The following CACNG4 variants were observed in gnomAD, a reference collection of about 807,000 sequenced individuals.
The protein encoded by CACNG4 is voltage-dependent calcium channel gamma-4 subunit.
Under a neutral mutation model 22.9 loss-of-function variants are expected in CACNG4, and 8 were observed. The observed-to-expected ratio is 0.35, with a 90% CI of 0.21 to 0.63. The LOEUF (loss-of-function observed/expected upper bound fraction) is 0.63, where lower values mean the gene tolerates loss of function less well. Among genes scored for constraint, CACNG4 ranks in the 30% least tolerant of loss-of-function variants. CACNG4 has a pLI of 0.72. For missense variants in CACNG4, 357 were observed against 455.4 expected, an observed-to-expected ratio of 0.78 and a Z score of 1.97; for synonymous variants, 188 against 191.9, an observed-to-expected ratio of 0.98 and a Z score of 0.17.
At chr17:66,969,947 G>A (rs1455004724) in intron 1 of CACNG4, among the ~76,000 whole-genome samples, 2 of 152,160 alleles carry the variant, frequency 1.3e-5, no homozygotes, top group Non-Finnish European at 2.9e-5. Flanking sequence ...AGGCCCAGGT[G>A]AGTGACAGCG....
intron 1 of CACNG4, among the ~76,000 whole-genome samples, chr17:66,982,948 G>A (rs1360352187): frequency 6.6e-6 from 1 of 152,214 alleles, no homozygotes; most frequent in Non-Finnish European, 1.5e-5. Flanking sequence ...CCGCCAGCCT[G>A]TGAGGCAGGT....
chr17:67,018,036 C>G (rs1428999514), intron 1 of CACNG4, among the ~76,000 whole-genome samples, 153 bp from the exon 2 acceptor site: 1 of 152,172 alleles, frequency 6.6e-6, no homozygotes, highest in Non-Finnish European at 1.5e-5. Context: ...CTCCCGTGCC[C>G]CCACCAGACT....
chr17:66,990,821 C>T (rs2035335636), intron 1 of CACNG4, among the ~76,000 whole-genome samples: 1 of 152,024 alleles, frequency 6.6e-6, no homozygotes, highest in Admixed American at 6.6e-5. Context: ...GCTGGGACTA[C>T]AGGCGCCCGC....
At chr17:66,966,949 T>G (rs1356076246) in intron 1 of CACNG4, among the ~76,000 whole-genome samples, 1 of 152,224 alleles carries the variant, frequency 6.6e-6, no homozygotes. Flanking sequence ...GAGCAGGGGC[T>G]GCAATGCCCC....
rs35041834 is a variant in CACNG4, at chr17:66,989,060, CAAA to C, written c.220+23948_220+23950del. 3.5e-4 allele frequency among the ~76,000 whole-genome samples: 22 copies of C among 63,310 alleles called. No homozygotes were observed. In the South Asian group the frequency reaches 7.0e-3, roughly 20 times the overall value. The allele number at this position is 63,310 out of a possible 152,430, so 41.5% of individuals were successfully genotyped here. ...TGGGCAACAGAGCAAGACTCTGCCT[CAAA>C]AAAAAAAAAAAAAAAAAAGGCAAGA... On this transcript the variant is annotated intron_variant, in intron 1 of 3. Transcript: ENST00000262138.
At chr17:66,991,612 G>T (rs2035341018) in intron 1 of CACNG4, among the ~76,000 whole-genome samples, 1 of 152,184 alleles carries the variant, frequency 6.6e-6, no homozygotes, top group Admixed American at 6.5e-5. Flanking sequence ...ATACGGGCCT[G>T]CGAGGATGTG....
At position 67,030,466 on chromosome 17, in the gene CACNG4, G is replaced by C. The variant is rs1289644583; in HGVS notation, c.446G>C (p.Gly149Ala). The C allele has an allele frequency of 6.2e-7, 1 of 1,612,690 alleles. No individual in the cohort carries two copies. Among genetic ancestry groups the C allele is most frequent in the Non-Finnish European group, 8.5e-7 (1 of 1,178,940 alleles). ...TCCCCGCTCCCCGCTTCCCTTTCAGGCCTCAGTAACATCATCGGTATCATC... is the reference window on the plus strand; with the variant it reads ...TCCCCGCTCCCCGCTTCCCTTTCAGCCCTCAGTAACATCATCGGTATCATC... The part of the protein sequence containing the change: ...LSAGILFVAA[G>A]LSNIIGIIVY... Residue 149 changes from glycine to alanine, a missense_variant and splice_region_variant, in exon 4 of 4, where the codon GGC (glycine) becomes GCC (alanine). Physicochemically the swap from Gly to Ala is moderately conservative, Grantham distance 60. Coordinates refer to ENST00000262138, the MANE Select transcript of CACNG4 (RefSeq NM_014405.4). This position sits in a 1 kb window ranked among gnomAD's most constrained non-coding sequence, Gnocchi z 6.4.
intron 1 of CACNG4, among the ~76,000 whole-genome samples, chr17:67,011,262 T>C (rs568404903): frequency 1.4e-4 from 22 of 152,162 alleles, no homozygotes; most frequent in Non-Finnish European, 2.9e-4. Flanking sequence ...CCTCTTCTAG[T>C]GTTGCCTGGA....
intron 1 of CACNG4, among the ~76,000 whole-genome samples, chr17:66,985,494 T>C (rs142780232): frequency 7.0e-4 from 106 of 152,272 alleles, no homozygotes; most frequent in African/African-American, 2.5e-3. Flanking sequence ...GTGCACTCAA[T>C]TCCAGGGAGG....
chr17:67,016,751 C>T (rs577169266), intron 1 of CACNG4, among the ~76,000 whole-genome samples: 1 of 152,098 alleles, frequency 6.6e-6, no homozygotes, highest in African/African-American at 2.4e-5. Context: ...TAGGACGTGG[C>T]GGCAACACCC....
In CACNG4 at chr17:66,965,115, G is replaced by T; in HGVS notation, c.204G>T (p.Arg68=). The change falls in exon 1 of 4, where the codon CGG becomes CGT. Residue 68 remains arginine (R), a synonymous_variant. Coordinates refer to ENST00000262138, the MANE Select transcript of CACNG4 (RefSeq NM_014405.4). ...ACCTCACCCACTCTGGTCTGTGGCG[G>T]GTGTGCTGCATCGAAGGTACGGCCA... ...RGDLTHSGLW[R]VCCIEGIYKG... The T allele has an allele frequency of 6.3e-7, 1 of 1,583,358 alleles. No homozygotes were observed. Among genetic ancestry groups the T allele is most frequent in the South Asian group, 1.1e-5 (1 of 87,818 alleles).
At position 67,024,994 on chromosome 17, in the gene CACNG4, G is replaced by T; in HGVS notation, c.439G>T (p.Ala147Ser). 6.3e-7 allele frequency: 1 copy of T among 1,591,604 alleles called. No individual in the cohort carries two copies. The highest frequency in any genetic ancestry group is 8.5e-7 in the Non-Finnish European group (1 of 1,171,408). ...IVLSAGILFV[A>S]AGLSNIIGII... ...CCTCAGTGCCGGCATCCTCTTCGTG[G>T]CTGCAGGTGAGCCGCCCGCCCGGGC... The change falls in exon 3 of 4, where the codon GCT (alanine) becomes TCT (serine). Residue 147 changes from alanine (A) to serine (S), a missense_variant. Coordinates refer to ENST00000262138, the MANE Select transcript of CACNG4 (RefSeq NM_014405.4).
At chr17:66,992,167 G>C (rs201484649) in intron 1 of CACNG4, among the ~76,000 whole-genome samples, 100 of 152,032 alleles carry the variant, frequency 6.6e-4, no homozygotes, top group African/African-American at 1.6e-3. Context: ...TCCTGGGGGG[G>C]GGGGGCTGTG....
At chr17:66,990,038 A>G (rs1265521742) in intron 1 of CACNG4, among the ~76,000 whole-genome samples, 1 of 152,136 alleles carries the variant, frequency 6.6e-6, no homozygotes, top group Non-Finnish European at 1.5e-5. Context: ...AACAACACAG[A>G]TTTATTATCT....
chr17:67,024,730 C>T (rs1023809403), intron 2 of CACNG4, 130 bp from the exon 3 acceptor site: 7 of 1,071,016 alleles, frequency 6.5e-6, no homozygotes, highest in Non-Finnish European at 8.9e-6. Flanking sequence ...GTCTCCAGGT[C>T]CTGATGGGAA....
In CACNG4 at chr17:66,993,560, G is replaced by A. The variant is rs140281445; in HGVS notation, c.221-24629G>A. Among the ~76,000 whole-genome samples the A allele has an allele frequency of 9.5e-4, 145 of 152,278 alleles. 2 individuals carry two copies. The East Asian group carries it at 0.025, about 26-fold the overall frequency. On this transcript the variant is annotated intron_variant, in intron 1 of 3. Coordinates refer to ENST00000262138, the MANE Select transcript of CACNG4 (RefSeq NM_014405.4). ...CCACGCCTGTTCTTGCACACACAAGGGGGCTCACCCAGGGACAAAAGTGCT... is the reference window on the plus strand; with the variant it reads ...CCACGCCTGTTCTTGCACACACAAGAGGGCTCACCCAGGGACAAAAGTGCT...
Position 67,024,852 on chromosome 17 carries a change from C to T in CACNG4, c.305-8C>T, listed in dbSNP as rs764378655. The T allele has an allele frequency of 5.9e-6, 9 of 1,533,104 alleles. No homozygotes were observed. In the South Asian group the frequency reaches 1.0e-4, roughly 17 times the overall value. 95.0% of individuals were successfully genotyped at this position (1,533,104 alleles called of 1,614,324 possible). On this transcript the variant is annotated splice_polypyrimidine_tract_variant and splice_region_variant and intron_variant, in intron 2 of 3. Coordinates refer to ENST00000262138, the MANE Select transcript of CACNG4 (RefSeq NM_014405.4). The stretch of plus-strand genomic sequence containing the variant: ...CCTCTGCTTTGTGCCCCCCACCTCC[C>T]CGGCCAGGCATCGTGCGAGCCTCCA...
intron 1 of CACNG4, among the ~76,000 whole-genome samples, chr17:66,997,907 C>G (rs773991450): frequency 2.6e-5 from 4 of 152,066 alleles, no homozygotes; most frequent in African/African-American, 9.7e-5. Context: ...AGAGGAGAAG[C>G]TGCACACCCC....
At chr17:66,980,897 G>A (rs1232617339) in intron 1 of CACNG4, among the ~76,000 whole-genome samples, 11 of 152,082 alleles carry the variant, frequency 7.2e-5, no homozygotes, top group African/African-American at 2.7e-4. Flanking sequence ...GGGATTACAG[G>A]CGTGAGCCAC....
Sources: allele counts gnomAD v4.1 joint callset (sites outside exome capture counted in the v4.1 genomes callset), GRCh38; gene constraint gnomAD v4.1.1; non-coding constraint Gnocchi (gnomAD v3.1); transcripts MANE v1.5; gene names NCBI Gene and HGNC (gene_info 2026-07-23, HGNC 2026-07-21).